SNTG1: variants seen among roughly 807,000 people sequenced by gnomAD.
SNTG1 encodes gamma-1-syntrophin.
SNTG1 carries 39 observed loss-of-function variants against 74.7 expected under a neutral mutation model. The observed-to-expected ratio is 0.52, with a 90% confidence interval of 0.40 to 0.68. The LOEUF is 0.68. Ranked by LOEUF, SNTG1 falls within the 30% of genes least tolerant of loss-of-function variation. SNTG1 has a pLI of 0.00. For missense variants in SNTG1, 685 were observed against 609.5 expected (o/e 1.12, Z -1.30); for synonymous variants, 254 against 217.1 (o/e 1.17, Z -1.49).
chr8:50,720,221 T>C (rs1467595198), intron 17 of SNTG1, among the ~76,000 whole-genome samples: 2 of 152,178 alleles, frequency 1.3e-5, no homozygotes, highest in African/African-American at 4.8e-5. Flanking sequence ...TCTAAATAAA[T>C]CCAGATTTAA....
At chr8:50,517,938 G>T (rs182761006) in intron 9 of SNTG1, among the ~76,000 whole-genome samples, 1 of 152,160 alleles carries the variant, frequency 6.6e-6, no homozygotes, top group East Asian at 1.9e-4. Flanking sequence ...CTTGAACTCA[G>T]CTCTGGAGCA....
intron 15 of SNTG1, among the ~76,000 whole-genome samples, chr8:50,660,410 AAAAG>A (rs1383031261): frequency 5.6e-4 from 2 of 3,586 alleles, no homozygotes; most frequent in Middle Eastern, 0.17. Context: ...AGAAAGAAAG[AAAAG>A]AAAGAAAGAA....
chr8:50,502,265 A>G (rs968767802), intron 8 of SNTG1, among the ~76,000 whole-genome samples: 2 of 152,162 alleles, frequency 1.3e-5, no homozygotes, highest in African/African-American at 4.8e-5. Flanking sequence ...AATTGGGTCA[A>G]TTTGCTTTAA....
At chr8:50,354,594 G>GT (rs915060164) in intron 2 of SNTG1, among the ~76,000 whole-genome samples, 5 of 152,088 alleles carry the variant, frequency 3.3e-5, no homozygotes, top group South Asian at 2.1e-4. Flanking sequence ...TGTTATATTA[G>GT]TTTTTTTTAT....
At chr8:49,969,775 C>T (rs1452222208) in intron 1 of SNTG1, among the ~76,000 whole-genome samples, 3 of 152,202 alleles carry the variant, frequency 2.0e-5, no homozygotes, top group East Asian at 3.9e-4. Flanking sequence ...GAGATACCCT[C>T]ACTGTCAAAA....
chr8:50,299,529 A>T (rs1391894653), intron 2 of SNTG1, among the ~76,000 whole-genome samples: 1 of 152,146 alleles, frequency 6.6e-6, no homozygotes, highest in Non-Finnish European at 1.5e-5. Flanking sequence ...GTTAGTGCCA[A>T]ATTGAAATAT....
chr8:50,677,635 G>T (rs1478386216), intron 15 of SNTG1, among the ~76,000 whole-genome samples: 1 of 151,838 alleles, frequency 6.6e-6, no homozygotes, highest in East Asian at 1.9e-4. Context: ...GTATATGATT[G>T]TAAAACTGTT....
At chr8:50,291,995 G>T (rs2089138539) in intron 2 of SNTG1, among the ~76,000 whole-genome samples, 1 of 152,128 alleles carries the variant, frequency 6.6e-6, no homozygotes, top group Admixed American at 6.6e-5. Context: ...AAAGGTGTGT[G>T]TGTGTGTGTG....
intron 8 of SNTG1, among the ~76,000 whole-genome samples, chr8:50,470,753 G>A (rs534791142): frequency 1.8e-4 from 27 of 152,226 alleles, no homozygotes; most frequent in South Asian, 6.2e-4. Flanking sequence ...AAGGTAGTGC[G>A]GACCCAAAGA....
chr8:50,063,215 C>A (rs1252982681), intron 1 of SNTG1, among the ~76,000 whole-genome samples: 1 of 152,174 alleles, frequency 6.6e-6, no homozygotes, highest in Non-Finnish European at 1.5e-5. Flanking sequence ...AAAGTGGATA[C>A]ACTTTTTAGA....
chr8:49,922,128 A>T lies in SNTG1; in HGVS notation c.-103+9897A>T, dbSNP rs562217838. 2.6e-3 allele frequency among the ~76,000 whole-genome samples: 390 copies of T among 152,250 alleles called. 2 individuals carry two copies. Among genetic ancestry groups the T allele is most frequent in the African/African-American group, 8.9e-3 (371 of 41,558 alleles). On this transcript the variant is annotated intron_variant, in intron 1 of 18. Transcript: ENST00000642720. ...ACTTTGTTAGTAGACTTTATATCTCACTGCGGCTCAATGACCTGGAAGATA... is the reference window on the plus strand; with the variant it reads ...ACTTTGTTAGTAGACTTTATATCTCTCTGCGGCTCAATGACCTGGAAGATA...
chr8:50,037,003 C>A lies in SNTG1; in HGVS notation c.-103+124772C>A, dbSNP rs1818223965. Among the ~76,000 whole-genome samples, 2 of 152,178 alleles carry A rather than the reference C, an allele frequency of 1.3e-5. 1 individual carries two copies. The highest frequency in any genetic ancestry group is 2.9e-5 in the Non-Finnish European group (2 of 68,034). On this transcript the variant is annotated intron_variant, in intron 1 of 18. Transcript: ENST00000642720. ...GTAAATTTCAATAATATGAGTTCAT[C>A]ATATTTAATGCTTCTTCATTTACAC...
intron 3 of SNTG1, among the ~76,000 whole-genome samples, chr8:50,399,931 C>G (rs866360538): frequency 9.9e-5 from 15 of 152,258 alleles, no homozygotes; most frequent in African/African-American, 3.6e-4. Flanking sequence ...TGCTTTCCTT[C>G]CTCATGAAAA....
chr8:50,277,572 A>G (rs1158656452), intron 2 of SNTG1, among the ~76,000 whole-genome samples: 1 of 152,198 alleles, frequency 6.6e-6, no homozygotes, highest in East Asian at 1.9e-4. Flanking sequence ...ATAAAATGGA[A>G]TCCAAAGCAA....
At chr8:49,973,694 T>C (rs1397314932) in intron 1 of SNTG1, among the ~76,000 whole-genome samples, 4 of 152,126 alleles carry the variant, frequency 2.6e-5, no homozygotes, top group African/African-American at 9.7e-5. Context: ...AGTATTCCTG[T>C]TCATTTGGCA....
intron 8 of SNTG1, among the ~76,000 whole-genome samples, chr8:50,487,551 A>G (rs1337706174): frequency 6.6e-6 from 1 of 152,126 alleles, no homozygotes; most frequent in Non-Finnish European, 1.5e-5. Context: ...CATGGATGAA[A>G]TTGGAAATCA....
intron 2 of SNTG1, among the ~76,000 whole-genome samples, chr8:50,193,177 T>G (rs902827284): frequency 2.6e-5 from 4 of 152,168 alleles, no homozygotes; most frequent in African/African-American, 9.7e-5. Context: ...TTTTTCTAAT[T>G]CTGTGTAGAA....
At chr8:50,297,928 A>G (rs1343561398) in intron 2 of SNTG1, among the ~76,000 whole-genome samples, 1 of 150,910 alleles carries the variant, frequency 6.6e-6, no homozygotes, top group African/African-American at 2.4e-5. Flanking sequence ...GGACACTATT[A>G]CATAGAGAAA....
intron 2 of SNTG1, among the ~76,000 whole-genome samples, chr8:50,339,189 C>T (rs2091243156): frequency 6.6e-6 from 1 of 151,964 alleles, no homozygotes; most frequent in Admixed American, 6.6e-5. Context: ...AACTGGAATT[C>T]TGTATCAAGT....
Sources: gnomAD v4.1 joint callset for allele counts (sites outside exome capture counted in the v4.1 genomes callset) on GRCh38, gnomAD v4.1.1 for gene constraint, MANE v1.5 for transcripts, NCBI Gene and HGNC (gene_info 2026-07-23, HGNC 2026-07-21) for gene names.